Variants in TPM4 observed in about 807,000 individuals in gnomAD.
The protein encoded by TPM4 is tropomyosin 4.
Under a neutral mutation model 35.8 loss-of-function variants are expected in TPM4, and 17 were observed. The ratio of observed to expected loss-of-function variants is 0.47; its 90% CI spans 0.32 to 0.71. TPM4 has a LOEUF of 0.71. Among genes scored for constraint, TPM4 ranks in the 30% least tolerant of loss-of-function variants. The pLI is 0.03. For synonymous variants in TPM4, 120 were observed against 122.9 expected, an observed-to-expected ratio of 0.98 and a Z score of 0.15; for missense variants, 240 against 320.9, an observed-to-expected ratio of 0.75 and a Z score of 1.93.
chr19:16,071,800 G>A (rs2090358819), upstream of TPM4, among the ~76,000 whole-genome samples: 1 of 152,144 alleles, frequency 6.6e-6, no homozygotes, highest in African/African-American at 2.4e-5. Context: ...AAGAGGCCCA[G>A]CCCGGCCGCT....
chr19:16,090,657 C>T (rs1032508914), intron 5 of TPM4, among the ~76,000 whole-genome samples: 1 of 152,090 alleles, frequency 6.6e-6, no homozygotes, highest in Admixed American at 6.6e-5. Flanking sequence ...CCTGTCTATA[C>T]TTTTGCTGGC....
chr19:16,072,553 G>GC (rs147329189), upstream of TPM4, among the ~76,000 whole-genome samples: 3,065 of 152,306 alleles, frequency 0.02, 118 homozygotes, highest in African/African-American at 0.07. Flanking sequence ...GTGGCATCAG[G>GC]CAAGTCCCTT....
Position 16,081,931 on chromosome 19 carries a change from G to T in TPM4, c.151G>T (p.Ala51Ser), listed in dbSNP as rs777818913. ...TCCCCAGGCTGAAGGTGATGTGGCC[G>T]CCCTCAACCGACGCATCCAGCTCGT... ...RREKAEGDVA[A>S]LNRRIQLVEE... Residue 51 changes from alanine to serine, a missense_variant, in exon 2 of 8, where the codon GCC becomes TCC. Ala to Ser is a moderately conservative substitution (Grantham distance 99, BLOSUM62 1). Transcript: ENST00000643579. 1.3e-6 allele frequency: 2 copies of T among 1,598,988 alleles called. No homozygotes were observed. Among genetic ancestry groups the T allele is most frequent in the South Asian group, 1.1e-5 (1 of 90,620 alleles).
intron 7 of TPM4, among the ~76,000 whole-genome samples, chr19:16,098,073 T>A (rs565928321): frequency 6.6e-6 from 1 of 152,316 alleles, no homozygotes; most frequent in Admixed American, 6.5e-5. Flanking sequence ...ATTTCTGGAC[T>A]CCACCCTTTG....
chr19:16,086,624 A>C (rs1353049621), intron 3 of TPM4, 84 bp downstream of exon 3: 1 of 1,153,594 alleles, frequency 8.7e-7, no homozygotes, highest in Non-Finnish European at 1.3e-6. Context: ...GGGGCCAACG[A>C]AAGGAAGCTC....
Position 16,070,038 on chromosome 19 carries a change from G to T in TPM4, c.114+2300G>T, listed in dbSNP as rs2090341678. ...GCCCAGGGCTGTGACCTGCTGCAGG[G>T]GTGACTGGGTGGGGTCTGGGGACTG... On this transcript the variant is annotated intron_variant, in intron 2 of 2. Transcript: ENST00000589897. This position sits in a 1 kb window ranked among gnomAD's most constrained non-coding sequence, Gnocchi z 7.4. Among the ~76,000 whole-genome samples, 1 of 152,072 alleles carries T rather than the reference G, an allele frequency of 6.6e-6. No individual in the cohort carries two copies. The highest frequency in any genetic ancestry group is 1.5e-5 in the Non-Finnish European group (1 of 67,998).
intron 2 of TPM4, among the ~76,000 whole-genome samples, chr19:16,083,181 C>T (rs1387142429): frequency 3.3e-5 from 5 of 152,020 alleles, no homozygotes; most frequent in African/African-American, 1.2e-4. Flanking sequence ...CCGTGGCTCA[C>T]GCCTATAATC....
chr19:16,076,429 CG>C, upstream of TPM4: 1 of 1,345,232 alleles, frequency 7.4e-7, no homozygotes, highest in Non-Finnish European at 9.5e-7. Context: ...GCAGCCGGCC[CG>C]GGGGGCGGGG....
intron 1 of TPM4, chr19:16,081,341 A>G (rs2090479860): frequency 3.0e-6 from 1 of 331,428 alleles, no homozygotes. Context: ...CTCAAAGCAC[A>G]TGGTATGTTT....
At chr19:16,075,952 G>A, upstream of TPM4, 1 of 1,480,288 alleles carries the variant, frequency 6.8e-7, no homozygotes, top group African/African-American at 1.4e-5. Context: ...GAGAGAGACG[G>A]AGGACTCTTG....
rs944044312 is a variant in TPM4 at position 16,070,006 on chromosome 19, G to A, written c.114+2268G>A. On this transcript the variant is annotated intron_variant, in intron 2 of 2. Coordinates refer to the TPM4 transcript ENST00000589897. The surrounding 1 kb of genome is among the most constrained non-coding windows in gnomAD (Gnocchi z 7.4). The stretch of plus-strand genomic sequence containing the variant: ...GCACGGCATGTGTGTGTGTGTGTGT[G>A]GTGGGGGCCCAGGGCTGTGACCTGC... 6.6e-6 allele frequency among the ~76,000 whole-genome samples: 1 copy of A among 151,994 alleles called. No individual in the cohort carries two copies. Among genetic ancestry groups the A allele is most frequent in the Non-Finnish European group, 1.5e-5 (1 of 67,992 alleles).
chr19:16,083,401 G>A (rs1255613777), intron 2 of TPM4, among the ~76,000 whole-genome samples: 6 of 152,012 alleles, frequency 3.9e-5, no homozygotes, highest in South Asian at 2.1e-4. Flanking sequence ...AGCCAAGATC[G>A]CACCACTGCA....
chr19:16,075,435 G>A (rs2090394209), upstream of TPM4: 1 of 152,170 alleles, frequency 6.6e-6, no homozygotes, highest in Non-Finnish European at 1.5e-5. Context: ...CTGTAGGGGC[G>A]AGTCTCTTCT....
At chr19:16,089,810 C>T (rs1687172040) in intron 5 of TPM4, among the ~76,000 whole-genome samples, 1 of 151,636 alleles carries the variant, frequency 6.6e-6, no homozygotes, top group Non-Finnish European at 1.5e-5. Flanking sequence ...ATTCACTCAA[C>T]TGGGTGTGGC....
Position 16,076,704 on chromosome 19 carries a change from G to C in TPM4, c.132+7G>C. 7.5e-7 allele frequency: 1 copy of C among 1,335,218 alleles called. No homozygotes were observed. Among genetic ancestry groups the C allele is most frequent in the Non-Finnish European group, 9.6e-7 (1 of 1,044,012 alleles). 82.7% of individuals were successfully genotyped at this position (1,335,218 alleles called of 1,614,324 possible). A position where few individuals can be genotyped will look rare whatever the true frequency, so the allele number is the denominator to read the frequency against. On this transcript the variant is annotated splice_region_variant and intron_variant, in intron 1 of 7. Coordinates refer to ENST00000643579, the MANE Select transcript of TPM4 (RefSeq NM_003290.3). ...GCGCGAGCGGCGCGAGAAAGTGAGCGCCCCGGCCTCGGGCCCCGCACCCGC... is the reference window on the plus strand; with the variant it reads ...GCGCGAGCGGCGCGAGAAAGTGAGCCCCCCGGCCTCGGGCCCCGCACCCGC...
chr19:16,080,922 C>A, intron 1 of TPM4: 1 of 397,664 alleles, frequency 2.5e-6, no homozygotes, highest in Non-Finnish European at 4.4e-6. Flanking sequence ...TAGGTAAAAA[C>A]ACCTTGAAAA....
rs765008967 is a variant in TPM4, at chr19:16,101,696, G to A, written c.*350G>A. 1 of 278,640 alleles carries A rather than the reference G, an allele frequency of 3.6e-6. No individual in the cohort carries two copies. 17.3% of individuals were successfully genotyped at this position (278,640 alleles called of 1,614,324 possible). A position where few individuals can be genotyped will look rare whatever the true frequency, so the allele number is the denominator to read the frequency against. On this transcript the variant is annotated 3_prime_UTR_variant, in exon 8 of 8. Transcript: ENST00000643579. ...GCAGCCCCACACTTTGAAGAATACA[G>A]ACCCCAGTATCTAGTCGTGGATATA...
intron 7 of TPM4, chr19:16,095,159 TG>T (rs2090678922): frequency 3.0e-6 from 2 of 661,196 alleles, no homozygotes; most frequent in South Asian, 1.4e-4. Context: ...TTTGCTCACG[TG>T]TTTTTTTCTT....
rs35056151 is a variant in TPM4, at chr19:16,089,668, C to CTT, written c.531+565_531+566dup. 6.4e-4 allele frequency among the ~76,000 whole-genome samples: 83 copies of CTT among 129,498 alleles called. 1 individual carries two copies. Among genetic ancestry groups the CTT allele is most frequent in the Middle Eastern group, 4.0e-3 (1 of 248 alleles). The allele number at this position is 129,498 out of a possible 152,430, so 85.0% of individuals were successfully genotyped here. A position where few individuals can be genotyped will look rare whatever the true frequency, so the allele number is the denominator to read the frequency against. ...GTTCTCCCATCACCTCCACCCCCCA[C>CTT]TTTTTTTTTTTTTTTTTTGAGACAG... On this transcript the variant is annotated intron_variant, in intron 5 of 7. Transcript: ENST00000643579.
Sources: allele counts gnomAD v4.1 joint callset (sites outside exome capture counted in the v4.1 genomes callset), GRCh38; gene constraint gnomAD v4.1.1; non-coding constraint Gnocchi (gnomAD v3.1); transcripts MANE v1.5; gene names NCBI Gene and HGNC (gene_info 2026-07-23, HGNC 2026-07-21).